The following HSD17B11 variants were observed in gnomAD, a reference collection of about 807,000 sequenced individuals.
HSD17B11 encodes hydroxysteroid 17-beta dehydrogenase 11, also known as estradiol 17-beta-dehydrogenase 11.
In HSD17B11, 22 loss-of-function variants were observed where a neutral mutation model predicts 27.8. The ratio of observed to expected loss-of-function variants is 0.79; its 90% CI spans 0.56 to 1.13. The LOEUF (loss-of-function observed/expected upper bound fraction) is 1.13. HSD17B11 is among the 50% of genes most tolerant of loss of function. The pLI is 0.00. For missense variants in HSD17B11, 314 were observed against 351.1 expected, an observed-to-expected ratio of 0.89 and a Z score of 0.84; for synonymous variants, 117 against 132.8, an observed-to-expected ratio of 0.88 and a Z score of 0.82.
At chr4:87,341,128 A>G (rs1735157711) in intron 5 of HSD17B11, among the ~76,000 whole-genome samples, 1 of 152,002 alleles carries the variant, frequency 6.6e-6, no homozygotes, top group African/African-American at 2.4e-5. Context: ...TGATATGCTT[A>G]TATTTATTAG....
intron 1 of HSD17B11, chr4:87,386,876 G>T (rs1720333248): frequency 1.3e-5 from 2 of 152,060 alleles, no homozygotes; most frequent in African/African-American, 4.8e-5. Flanking sequence ...TTCCAAACTA[G>T]TATTTTAGGA....
rs1478493434 is a variant in HSD17B11, at chr4:87,336,960, C to A, written c.*316G>T. ...AAAATAAAAATATATGTTAAATAAACGGTTATGGTACAAATTTTGCAAAGC... is the reference window on the plus strand; with the variant it reads ...AAAATAAAAATATATGTTAAATAAAAGGTTATGGTACAAATTTTGCAAAGC... On this transcript the variant is annotated 3_prime_UTR_variant, in exon 7 of 7. Transcript: ENST00000358290. 1.3e-5 allele frequency: 3 copies of A among 226,868 alleles called. No individual in the cohort carries two copies. Among genetic ancestry groups the A allele is most frequent in the Non-Finnish European group, 1.7e-5 (2 of 118,226 alleles). The allele number at this position is 226,868 out of a possible 1,614,324, so 14.1% of individuals were successfully genotyped here. A position where few individuals can be genotyped will look rare whatever the true frequency, so the allele number is the denominator to read the frequency against.
At chr4:87,388,551 G>A (rs1406727791) in intron 1 of HSD17B11, among the ~76,000 whole-genome samples, 1 of 152,094 alleles carries the variant, frequency 6.6e-6, no homozygotes, top group Non-Finnish European at 1.5e-5. Context: ...CATCTCAGTG[G>A]GGCCTTCCTG....
At chr4:87,338,752 G>A (rs889827207) in intron 6 of HSD17B11, among the ~76,000 whole-genome samples, 1 of 152,124 alleles carries the variant, frequency 6.6e-6, no homozygotes, top group Admixed American at 6.5e-5. Context: ...GCCCAGGCTT[G>A]TCTTGAACTC....
At chr4:87,371,043 C>T (rs920786004) in intron 4 of HSD17B11, among the ~76,000 whole-genome samples, 8 of 111,844 alleles carry the variant, frequency 7.2e-5, no homozygotes, top group South Asian at 4.6e-4. Context: ...TGAGCCACCG[C>T]GCCCGGCCTA....
chr4:87,370,755 A>ATTTT (rs57047986), intron 4 of HSD17B11, among the ~76,000 whole-genome samples: 1,631 of 57,408 alleles, frequency 0.028, 132 homozygotes, highest in Non-Finnish European at 0.039. Flanking sequence ...TATTATTATT[A>ATTTT]TTTTTTTTTT....
chr4:87,355,860 C>A (rs750715760), intron 5 of HSD17B11, among the ~76,000 whole-genome samples: 1 of 151,516 alleles, frequency 6.6e-6, no homozygotes, highest in Admixed American at 6.6e-5. Flanking sequence ...GCCGAGATTG[C>A]GCCACTGCAC....
chr4:87,362,297 G>A (rs762801775), intron 4 of HSD17B11, among the ~76,000 whole-genome samples: 2 of 152,234 alleles, frequency 1.3e-5, no homozygotes, highest in South Asian at 2.1e-4. Flanking sequence ...AGGCCAAGGC[G>A]GGTGGATCAC....
chr4:87,379,409 A>G (rs1429540454), intron 2 of HSD17B11, among the ~76,000 whole-genome samples: 1 of 149,588 alleles, frequency 6.7e-6, no homozygotes, highest in Non-Finnish European at 1.5e-5. Context: ...AACTACCTTA[A>G]TGTCAACAAG....
chr4:87,387,225 G>A (rs982068455), intron 1 of HSD17B11: 1 of 152,192 alleles, frequency 6.6e-6, no homozygotes, highest in African/African-American at 2.4e-5. Context: ...AGAAGTGATA[G>A]ATTATCACAA....
chr4:87,339,818 A>C (rs1481158805), intron 6 of HSD17B11, among the ~76,000 whole-genome samples: 1 of 152,250 alleles, frequency 6.6e-6, no homozygotes, highest in Non-Finnish European at 1.5e-5. Flanking sequence ...GGTCTCAGGC[A>C]GCAGCATTTT....
rs1431984934 is a variant in HSD17B11, at chr4:87,336,637, G to T, written c.*639C>A. The T allele has an allele frequency of 2.0e-5, 3 of 152,362 alleles. No homozygotes were observed. Among genetic ancestry groups the T allele is most frequent in the Non-Finnish European group, 4.4e-5 (3 of 68,072 alleles). The allele number at this position is 152,362 out of a possible 1,614,324, so 9.4% of individuals were successfully genotyped here. A position where few individuals can be genotyped will look rare whatever the true frequency, so the allele number is the denominator to read the frequency against. ...TAAGTGTGATCCATTTATTATTGCT[G>T]CCATTTGTGGGTACATTCTCTCAAT... On this transcript the variant is annotated 3_prime_UTR_variant, in exon 7 of 7. Coordinates refer to ENST00000358290, the MANE Select transcript of HSD17B11 (RefSeq NM_016245.5).
intron 4 of HSD17B11, among the ~76,000 whole-genome samples, chr4:87,368,413 C>T (rs1735647981): frequency 6.6e-6 from 1 of 152,158 alleles, no homozygotes; most frequent in African/African-American, 2.4e-5. Context: ...ACCCTGAACA[C>T]AAGAGACCCT....
At chr4:87,386,794 A>C (rs1181340133) in intron 1 of HSD17B11, 1 of 152,144 alleles carries the variant, frequency 6.6e-6, no homozygotes, top group Non-Finnish European at 1.5e-5. Flanking sequence ...GTTATTCATT[A>C]ATTCAGTTTT....
chr4:87,341,737 A>C (rs1438695728), intron 5 of HSD17B11, among the ~76,000 whole-genome samples: 44 of 151,724 alleles, frequency 2.9e-4, no homozygotes. Flanking sequence ...GTGGTGGTGC[A>C]CTCTTGTAGT....
intron 4 of HSD17B11, among the ~76,000 whole-genome samples, chr4:87,362,476 A>G (rs1316618956): frequency 1.3e-5 from 2 of 152,242 alleles, no homozygotes; most frequent in African/African-American, 4.8e-5. Flanking sequence ...CAGTGAGCCG[A>G]GATTGTGCTG....
chr4:87,372,476 T>C (rs1391888144), intron 4 of HSD17B11, among the ~76,000 whole-genome samples: 1 of 152,200 alleles, frequency 6.6e-6, no homozygotes, highest in Non-Finnish European at 1.5e-5. Flanking sequence ...ACTGAATACA[T>C]TTCCGGCTGC....
intron 4 of HSD17B11, among the ~76,000 whole-genome samples, chr4:87,371,786 C>G (rs1484554537): frequency 6.6e-6 from 1 of 152,152 alleles, no homozygotes; most frequent in African/African-American, 2.4e-5. Flanking sequence ...GTAAGGATCA[C>G]AGACTGTAGT....
chr4:87,347,060 G>GA (rs2110114554), intron 5 of HSD17B11, among the ~76,000 whole-genome samples: 1 of 146,400 alleles, frequency 6.8e-6, no homozygotes, highest in East Asian at 2.0e-4. Flanking sequence ...GGGAGCAATA[G>GA]CATCTCCTAG....
Sources: allele counts gnomAD v4.1 joint callset (sites outside exome capture counted in the v4.1 genomes callset), GRCh38; gene constraint gnomAD v4.1.1; transcripts MANE v1.5; gene names NCBI Gene and HGNC (gene_info 2026-07-23, HGNC 2026-07-21).